TBC1D12: variants seen among roughly 807,000 people sequenced by gnomAD.
TBC1D12 encodes TBC1 domain family member 12, also known as TBC1 domain family, member 12.
In TBC1D12, 56 loss-of-function variants were observed where a neutral mutation model predicts 86.7. The observed-to-expected ratio is 0.65, with a 90% CI of 0.52 to 0.81. The LOEUF is 0.81. Among genes scored for constraint, TBC1D12 ranks in the 30% least tolerant of loss-of-function variants. TBC1D12 has a pLI of 0.00. For synonymous variants in TBC1D12, 421 were observed against 411.7 expected (o/e 1.02, Z -0.27); for missense variants, 1,023 against 1,038.8 (o/e 0.98, Z 0.21).
rs2054800226 is a variant in TBC1D12, at chr10:94,403,436, A to C, written c.823A>C (p.Asn275His). 3 of 1,548,632 alleles carry C rather than the reference A, an allele frequency of 1.9e-6. No homozygotes were observed. The East Asian group carries it at 7.5e-5, about 39-fold the overall frequency. ...TTCTGACATTCACTTCAACTCTCGC[A>C]ACACGTTCCAGGTGAGCCGCGGTCA... is the stretch of plus-strand genomic sequence containing the variant. ...GFSDIHFNSR[N>H]TFQVSRGQSA... The change falls in exon 1 of 13, where the codon AAC becomes CAC. Residue 275 changes from asparagine (N) to histidine (H), a missense_variant. Around this residue, in one of 2 missense-constraint regions of TBC1D12, gnomAD observed 628 missense variants for 531.1 expected, o/e 1.18. Transcript: ENST00000225235.
intron 2 of TBC1D12, among the ~76,000 whole-genome samples, chr10:94,464,802 A>G (rs1023057007): frequency 2.0e-5 from 3 of 152,222 alleles, no homozygotes; most frequent in African/African-American, 7.2e-5. Flanking sequence ...TTATATGTTA[A>G]CAAAAACAAC....
intron 1 of TBC1D12, among the ~76,000 whole-genome samples, chr10:94,427,833 C>CAAAAA (rs71031576): frequency 1.7e-3 from 113 of 66,728 alleles, no homozygotes; most frequent in Admixed American, 3.6e-3. Flanking sequence ...CCCTGTCTCA[C>CAAAAA]AAAAAAAAAA....
chr10:94,419,677 A>T (rs1378658692), intron 1 of TBC1D12, among the ~76,000 whole-genome samples: 1 of 152,194 alleles, frequency 6.6e-6, no homozygotes, highest in Non-Finnish European at 1.5e-5. Context: ...TCAGGGAAAA[A>T]AAAGACAAAC....
chr10:94,430,989 T>C (rs1478698794), intron 1 of TBC1D12, among the ~76,000 whole-genome samples: 2 of 152,146 alleles, frequency 1.3e-5, no homozygotes, highest in Non-Finnish European at 2.9e-5. Flanking sequence ...TGTGTATAGA[T>C]GGGCGTGTAC....
At chr10:94,507,067 T>G (rs2056469004) in intron 6 of TBC1D12, among the ~76,000 whole-genome samples, 200 bp from the exon 7 acceptor site, 1 of 152,234 alleles carries the variant, frequency 6.6e-6, no homozygotes, top group South Asian at 2.1e-4. Context: ...GGATGATTAC[T>G]CTGCAGTAAT....
At position 94,461,915 on chromosome 10, in the gene TBC1D12, C is replaced by G. The variant is rs571036339; in HGVS notation, c.1096-12753C>G. 2.0e-5 allele frequency among the ~76,000 whole-genome samples: 3 copies of G among 152,242 alleles called. No individual in the cohort carries two copies. In the South Asian group the frequency reaches 6.2e-4, roughly 32 times the overall value. On this transcript the variant is annotated intron_variant, in intron 2 of 12. Transcript: ENST00000225235. The stretch of plus-strand genomic sequence containing the variant: ...GGATGCAGTGGCAACTTCTTGAACT[C>G]CTGGCCTCAAAAGATCCTCCCACCT...
chr10:94,532,628 T>TA (rs764262469), intron 12 of TBC1D12, among the ~76,000 whole-genome samples: 7 of 152,208 alleles, frequency 4.6e-5, no homozygotes, highest in Non-Finnish European at 1.0e-4. Context: ...GGTTTGTAGT[T>TA]GAAAGAATAT....
At chr10:94,521,807 C>G in intron 9 of TBC1D12, 148 bp from the exon 10 acceptor site, 1 of 607,598 alleles carries the variant, frequency 1.6e-6, no homozygotes, top group East Asian at 3.4e-5. Flanking sequence ...TAGGGGCTCT[C>G]TGTATTTACC....
chr10:94,417,931 T>G (rs573207209), intron 1 of TBC1D12, among the ~76,000 whole-genome samples: 10 of 151,412 alleles, frequency 6.6e-5, no homozygotes, highest in African/African-American at 2.4e-4. Flanking sequence ...TTTTTTTGAG[T>G]TTTTAGTAGA....
rs1298815236 is a variant in TBC1D12 at position 94,487,863 on chromosome 10, G to GTT, written c.1212-5493_1212-5492dup. 3.9e-3 allele frequency among the ~76,000 whole-genome samples: 483 copies of GTT among 123,408 alleles called. 2 individuals carry two copies. Among genetic ancestry groups the GTT allele is most frequent in the African/African-American group, 0.013 (465 of 35,932 alleles). The allele number at this position is 123,408 out of a possible 152,430, so 81.0% of individuals were successfully genotyped here. A position where few individuals can be genotyped will look rare whatever the true frequency, so the allele number is the denominator to read the frequency against. On this transcript the variant is annotated intron_variant, in intron 3 of 12. Coordinates refer to ENST00000225235, the MANE Select transcript of TBC1D12 (RefSeq NM_015188.2). Reference sequence around the variant, plus strand: ...AGGTGCATGCCACCATACCCAGCTGGTTTTTTTTTTGTTTTTTTAGTAAGG... The same window carrying GTT: ...AGGTGCATGCCACCATACCCAGCTGGTTTTTTTTTTTTGTTTTTTTAGTAAGG...
At chr10:94,478,728 C>T (rs1202251750) in intron 3 of TBC1D12, among the ~76,000 whole-genome samples, 1 of 152,208 alleles carries the variant, frequency 6.6e-6, no homozygotes, top group Admixed American at 6.5e-5. Context: ...GGAGTTTAGT[C>T]CTCACATCCA....
At chr10:94,407,052 C>G (rs2054863131) in intron 1 of TBC1D12, among the ~76,000 whole-genome samples, 1 of 145,170 alleles carries the variant, frequency 6.9e-6, no homozygotes, top group Non-Finnish European at 1.5e-5. Flanking sequence ...TACGAGAAAC[C>G]TTAAAAAAAA....
At position 94,403,278 on chromosome 10, in the gene TBC1D12, G is replaced by A. The variant is rs755075462; in HGVS notation, c.665G>A (p.Ser222Asn). 8.7e-6 allele frequency: 13 copies of A among 1,502,246 alleles called. No individual in the cohort carries two copies. The highest frequency in any genetic ancestry group is 2.6e-5 in the South Asian group (2 of 78,058). The allele number at this position is 1,502,246 out of a possible 1,614,324, so 93.1% of individuals were successfully genotyped here. A position where few individuals can be genotyped will look rare whatever the true frequency, so the allele number is the denominator to read the frequency against. ...PEGAGSDSGD[S>N]PASSCSSSED... ...GGCGCGGGCAGCGACTCGGGGGACA[G>A]CCCCGCCAGCAGCTGCAGCAGTAGC... The change falls in exon 1 of 13, where the codon AGC (serine) becomes AAC (asparagine). Residue 222 changes from serine to asparagine, a missense_variant. Coordinates refer to ENST00000225235, the MANE Select transcript of TBC1D12 (RefSeq NM_015188.2).
chr10:94,436,468 T>C (rs975605453), intron 1 of TBC1D12, among the ~76,000 whole-genome samples: 1 of 152,084 alleles, frequency 6.6e-6, no homozygotes, highest in Non-Finnish European at 1.5e-5. Flanking sequence ...TTTTTGAGTT[T>C]CCTTCAAGTT....
chr10:94,482,576 G>C (rs570902909), intron 3 of TBC1D12, among the ~76,000 whole-genome samples: 1 of 151,498 alleles, frequency 6.6e-6, no homozygotes, highest in African/African-American at 2.4e-5. Flanking sequence ...TCAGCCTCCC[G>C]AGTAGCTGGG....
At position 94,491,629 on chromosome 10, in the gene TBC1D12, A is replaced by G. The variant is rs1158589041; in HGVS notation, c.1212-1736A>G. Among the ~76,000 whole-genome samples, 3 of 152,310 alleles carry G rather than the reference A, an allele frequency of 2.0e-5. No homozygotes were observed. The East Asian group carries it at 5.8e-4, about 29-fold the overall frequency. On this transcript the variant is annotated intron_variant, in intron 3 of 12. Transcript: ENST00000225235. ...ACTTTTAATTTTTAAATTGCGTGCC[A>G]TTCTGAGTAGCATGATGAAATCTCA...
At chr10:94,459,265 G>A (rs1400057528) in intron 2 of TBC1D12, among the ~76,000 whole-genome samples, 1 of 151,974 alleles carries the variant, frequency 6.6e-6, no homozygotes, top group Non-Finnish European at 1.5e-5. Flanking sequence ...TAGACACAGA[G>A]CAGTGATTGG....
At chr10:94,530,321 G>A (rs1395381741) in intron 11 of TBC1D12, among the ~76,000 whole-genome samples, 8 of 152,156 alleles carry the variant, frequency 5.3e-5, no homozygotes, top group Admixed American at 4.6e-4. Context: ...AACCATTTTG[G>A]TGATTCTATT....
intron 3 of TBC1D12, among the ~76,000 whole-genome samples, chr10:94,481,154 A>C (rs1251971290): frequency 2.7e-5 from 4 of 150,788 alleles, no homozygotes; most frequent in Non-Finnish European, 5.9e-5. Flanking sequence ...GAGCACAGGT[A>C]GAGTAGATTT....
Sources: allele counts gnomAD v4.1 joint callset (sites outside exome capture counted in the v4.1 genomes callset), GRCh38; gene constraint gnomAD v4.1.1; regional missense constraint gnomAD v4.1.1; transcripts MANE v1.5; gene names NCBI Gene and HGNC (gene_info 2026-07-23, HGNC 2026-07-21).